TAOK3: variants seen among roughly 807,000 people sequenced by gnomAD.
TAOK3 encodes the protein TAO kinase 3, also known as serine/threonine-protein kinase TAO3.
Under a neutral mutation model 120.4 loss-of-function variants are expected in TAOK3, and 40 were observed. The observed-to-expected ratio is 0.33, with a 90% CI of 0.26 to 0.43. The LOEUF (loss-of-function observed/expected upper bound fraction) is 0.43. TAOK3 is among the 20% of genes least tolerant of loss of function. The probability of loss-of-function intolerance (pLI) is 1.00; values close to 1 mark genes in which losing one functional copy is unlikely to be tolerated. For missense variants in TAOK3, 821 were observed against 1,112.1 expected, an observed-to-expected ratio of 0.74 and a Z score of 3.72; for synonymous variants, 355 against 387.5, an observed-to-expected ratio of 0.92 and a Z score of 0.99.
At chr12:118,212,579 T>G (rs963505955) in intron 11 of TAOK3, among the ~76,000 whole-genome samples, 2 of 152,134 alleles carry the variant, frequency 1.3e-5, no homozygotes, top group Admixed American at 6.6e-5. Flanking sequence ...CTGAGACCAC[T>G]GGATTAATGT....
chr12:118,294,957 T>A (rs1409801798), intron 1 of TAOK3, among the ~76,000 whole-genome samples: 1 of 152,154 alleles, frequency 6.6e-6, no homozygotes, highest in Admixed American at 6.5e-5. Flanking sequence ...TTTTGATATA[T>A]TGAGGATCCA....
intron 1 of TAOK3, among the ~76,000 whole-genome samples, chr12:118,330,762 C>G (rs868482228): frequency 9.4e-6 from 1 of 106,208 alleles, no homozygotes; most frequent in Non-Finnish European, 2.2e-5. Flanking sequence ...AAGAGGAGGA[C>G]AAAAAAAAAA....
At chr12:118,206,203 T>A (rs1157172986) in intron 11 of TAOK3, among the ~76,000 whole-genome samples, 1 of 152,206 alleles carries the variant, frequency 6.6e-6, no homozygotes, top group Non-Finnish European at 1.5e-5. Flanking sequence ...AAAAGCTACA[T>A]GCTAAGGATG....
At position 118,255,580 on chromosome 12, in the gene TAOK3, A is replaced by G. The variant is rs771579549; in HGVS notation, c.-13T>C. The G allele has an allele frequency of 1.3e-6, 2 of 1,594,748 alleles. No homozygotes were observed. The highest frequency in any genetic ancestry group is 1.7e-6 in the Non-Finnish European group (2 of 1,171,840). On this transcript the variant is annotated 5_prime_UTR_variant, in exon 3 of 21. Transcript: ENST00000392533. Reference sequence around the variant, plus strand: ...CCCCTTTACGCATGATGGCCAGTAGAGCAGGCTCTGCTTTTTGATATCAGT... The same window carrying G: ...CCCCTTTACGCATGATGGCCAGTAGGGCAGGCTCTGCTTTTTGATATCAGT...
chr12:118,266,939 C>T (rs1593350851), intron 1 of TAOK3, among the ~76,000 whole-genome samples, 180 bp from the exon 2 acceptor site: 1 of 152,190 alleles, frequency 6.6e-6, no homozygotes, highest in Non-Finnish European at 1.5e-5. Context: ...GCAAGCTACT[C>T]TTTCACAGGC....
chr12:118,348,852 T>C (rs1413213383), intron 1 of TAOK3, among the ~76,000 whole-genome samples: 2 of 150,552 alleles, frequency 1.3e-5, no homozygotes, highest in African/African-American at 2.4e-5. Flanking sequence ...TTTCTTTTTT[T>C]TTTTTTTTTT....
At chr12:118,275,115 CTT>C (rs1018362585) in intron 1 of TAOK3, among the ~76,000 whole-genome samples, 1 of 151,866 alleles carries the variant, frequency 6.6e-6, no homozygotes, top group Non-Finnish European at 1.5e-5. Context: ...TGCACTATAA[CTT>C]TTTTTTCATT....
chr12:118,210,193 C>T (rs903334822), intron 11 of TAOK3, among the ~76,000 whole-genome samples: 3 of 152,066 alleles, frequency 2.0e-5, no homozygotes, highest in African/African-American at 7.2e-5. Flanking sequence ...TCCTGCTTGC[C>T]TTCCTCCCTC....
intron 13 of TAOK3, among the ~76,000 whole-genome samples, chr12:118,198,057 T>C (rs1236840536): frequency 6.6e-6 from 1 of 152,216 alleles, no homozygotes; most frequent in African/African-American, 2.4e-5. Context: ...TGCATCTGTC[T>C]GACATCTTTG....
chr12:118,340,824 T>G (rs2044586170), intron 1 of TAOK3, among the ~76,000 whole-genome samples: 2 of 151,062 alleles, frequency 1.3e-5, no homozygotes, highest in South Asian at 4.2e-4. Flanking sequence ...ATGCCTGTAC[T>G]CCCAGTGCTT....
chr12:118,248,792 C>T (rs1332001130), intron 3 of TAOK3, among the ~76,000 whole-genome samples: 1 of 152,054 alleles, frequency 6.6e-6, no homozygotes, highest in African/African-American at 2.4e-5. Flanking sequence ...ATAGGATAAT[C>T]ACTGATTAGA....
chr12:118,321,790 C>G (rs1414775433), intron 1 of TAOK3, among the ~76,000 whole-genome samples: 1 of 152,018 alleles, frequency 6.6e-6, no homozygotes, highest in Non-Finnish European at 1.5e-5. Flanking sequence ...ACAAAAGGAC[C>G]TAATGTCATC....
chr12:118,306,282 C>G (rs1198849171), intron 1 of TAOK3, among the ~76,000 whole-genome samples: 10 of 152,128 alleles, frequency 6.6e-5, no homozygotes, highest in Non-Finnish European at 1.5e-5. Flanking sequence ...GATCCTCTCC[C>G]TCCATTTGGA....
intron 3 of TAOK3, chr12:118,246,119 A>AGGCCCTGGT (rs2040485024): frequency 1.5e-6 from 2 of 1,365,038 alleles, no homozygotes; most frequent in East Asian, 2.5e-5. Flanking sequence ...GGGGGCACGG[A>AGGCCCTGGT]GGCCCTGGTG....
intron 1 of TAOK3, chr12:118,283,586 TG>T (rs1300989030): frequency 6.5e-6 from 1 of 153,220 alleles, no homozygotes; most frequent in Non-Finnish European, 1.5e-5. Context: ...AAAAATTAGC[TG>T]GGCATGGTGG....
At chr12:118,199,397 T>G in intron 12 of TAOK3, 140 bp from the exon 13 acceptor site, 1 of 662,678 alleles carries the variant, frequency 1.5e-6, no homozygotes, top group Admixed American at 2.2e-5. Context: ...TTTTATGTAC[T>G]GGCTCCACTA....
At chr12:118,237,931 C>T (rs1593257528) in intron 7 of TAOK3, 142 bp downstream of exon 7, 1 of 536,284 alleles carries the variant, frequency 1.9e-6, no homozygotes, top group South Asian at 3.0e-5. Flanking sequence ...GCAACTTTAT[C>T]CTTTATATCC....
chr12:118,240,448 G>T (rs1458649405), intron 5 of TAOK3, among the ~76,000 whole-genome samples: 2 of 151,912 alleles, frequency 1.3e-5, no homozygotes, highest in East Asian at 3.9e-4. Flanking sequence ...CAAAGTGTTG[G>T]GATTACAGGT....
intron 19 of TAOK3, among the ~76,000 whole-genome samples, chr12:118,156,685 C>T (rs2034849346): frequency 2.0e-5 from 3 of 152,128 alleles, no homozygotes; most frequent in Admixed American, 2.0e-4. Context: ...ATCTGTTCCA[C>T]TTCCTTTTTT....
Sources: gnomAD v4.1 joint callset for allele counts (sites outside exome capture counted in the v4.1 genomes callset) on GRCh38, gnomAD v4.1.1 for gene constraint, MANE v1.5 for transcripts, NCBI Gene and HGNC (gene_info 2026-07-23, HGNC 2026-07-21) for gene names.